TRIM63: variants seen among roughly 807,000 people sequenced by gnomAD.
The protein encoded by TRIM63 is tripartite motif containing 63, also known as E3 ubiquitin-protein ligase TRIM63.
In TRIM63, 48 loss-of-function variants were observed where a neutral mutation model predicts 46.0. The observed-to-expected ratio is 1.04, with a 90% CI of 0.83 to 1.33. TRIM63 has a LOEUF of 1.33. Ranked by LOEUF, TRIM63 falls within the 40% of genes most tolerant of loss-of-function variation. TRIM63 has a pLI of 0.00. For synonymous variants in TRIM63, 175 were observed against 162.8 expected (o/e 1.08, Z -0.57); for missense variants, 455 against 441.2 (o/e 1.03, Z -0.28).
chr1:26,056,903 C>T (rs2050575862), intron 7 of TRIM63, among the ~76,000 whole-genome samples: 1 of 152,090 alleles, frequency 6.6e-6, no homozygotes, highest in Non-Finnish European at 1.5e-5. Context: ...GCTGGAATTA[C>T]AGGCACATGC....
intron 4 of TRIM63, among the ~76,000 whole-genome samples, chr1:26,059,893 G>A (rs560717495): frequency 9.9e-5 from 15 of 152,162 alleles, no homozygotes; most frequent in Non-Finnish European, 1.6e-4. Context: ...TGATCCCAGC[G>A]TAATTTTCAC....
At chr1:26,054,995 C>T (rs1217054394) in intron 7 of TRIM63, among the ~76,000 whole-genome samples, 2 of 151,720 alleles carry the variant, frequency 1.3e-5, no homozygotes, top group East Asian at 3.9e-4. Flanking sequence ...AATAGTATCT[C>T]CAAAATGACA....
chr1:26,061,081 T>C, intron 3 of TRIM63, 85 bp downstream of exon 3: 1 of 1,450,734 alleles, frequency 6.9e-7, no homozygotes, highest in South Asian at 1.3e-5. Context: ...GATCAGCAGA[T>C]CTACAGGGAT....
At chr1:26,058,279 G>T in intron 5 of TRIM63, 111 bp downstream of exon 5, 4 of 908,626 alleles carry the variant, frequency 4.4e-6, no homozygotes, top group Non-Finnish European at 5.2e-6. Flanking sequence ...GCTCACAGAG[G>T]TTTAAATGGC....
chr1:26,066,283 T>A lies in TRIM63; in HGVS notation c.317A>T (p.Lys106Ile). 2 of 1,614,050 alleles carry A rather than the reference T, an allele frequency of 1.2e-6. No individual in the cohort carries two copies. Among genetic ancestry groups the A allele is most frequent in the Non-Finnish European group, 1.7e-6 (2 of 1,179,998 alleles). The change falls in exon 2 of 9, where the codon AAA (lysine) becomes ATA (isoleucine). Residue 106 changes from lysine to isoleucine, a missense_variant. Physicochemically the swap from Lys to Ile is moderately radical, Grantham distance 102 (BLOSUM62 -3). Coordinates refer to ENST00000374272, the MANE Select transcript of TRIM63 (RefSeq NM_032588.4). ...LLVENIIDIY[K>I]QECSSRPLQK... ...GAGAACCGACCTGGAGCACTCCTGT[T>A]TGTAGATGTCGATGATGTTCTCCAC...
rs141049472 is a variant in TRIM63 at position 26,058,568 on chromosome 1, G to A, written c.653C>T (p.Ala218Val). 183 of 1,614,162 alleles carry A rather than the reference G, an allele frequency of 1.1e-4. 2 individuals carry two copies. In the African/African-American group the frequency reaches 2.2e-3, roughly 19 times the overall value. ...ELSQKFDTLY[A>V]ILDEKKSELL... ...CTCACTTTTCTTCTCATCCAGGATG[G>A]CATACAACGTGTCAAACTTCTGGCT... Residue 218 changes from alanine to valine, a missense_variant, in exon 5 of 9, where the codon GCC becomes GTC. Coordinates refer to ENST00000374272, the MANE Select transcript of TRIM63 (RefSeq NM_032588.4).
intron 1 of TRIM63, 144 bp from the exon 2 acceptor site, chr1:26,066,584 C>A: frequency 2.9e-6 from 2 of 694,382 alleles, no homozygotes; most frequent in Middle Eastern, 2.9e-4. Flanking sequence ...GTGATGAGAA[C>A]CAGTCCTCAC....
chr1:26,052,699 T>C (rs1194562867), intron 8 of TRIM63, among the ~76,000 whole-genome samples: 1 of 152,034 alleles, frequency 6.6e-6, no homozygotes, highest in East Asian at 1.9e-4. Context: ...ACTCCTGACC[T>C]CAGGTGATCC....
At chr1:26,063,146 C>G (rs924893462) in intron 2 of TRIM63, among the ~76,000 whole-genome samples, 3 of 152,230 alleles carry the variant, frequency 2.0e-5, no homozygotes, top group Admixed American at 1.3e-4. Flanking sequence ...CACAGATACA[C>G]TGCAGCCTCG....
intron 2 of TRIM63, among the ~76,000 whole-genome samples, chr1:26,064,947 C>G (rs980413435): frequency 6.6e-6 from 1 of 152,144 alleles, no homozygotes; most frequent in African/African-American, 2.4e-5. Flanking sequence ...TGGAGTCTTA[C>G]CAGGATGTCC....
intron 2 of TRIM63, 46 bp from the exon 3 acceptor site, chr1:26,061,380 C>G: frequency 1.3e-6 from 2 of 1,593,838 alleles, no homozygotes; most frequent in Non-Finnish European, 1.7e-6. Flanking sequence ...TGTGTCCCTG[C>G]ATCCCCCTCC....
chr1:26,060,039 C>T (rs2050608289), intron 4 of TRIM63, among the ~76,000 whole-genome samples: 1 of 152,204 alleles, frequency 6.6e-6, no homozygotes. Flanking sequence ...GTCTGGTTCA[C>T]TCCTCCATCC....
At chr1:26,058,661 C>G in intron 4 of TRIM63, 38 bp from the exon 5 acceptor site, 1 of 1,558,506 alleles carries the variant, frequency 6.4e-7, no homozygotes, top group Non-Finnish European at 8.8e-7. Context: ...TCTGTAGGGT[C>G]TTTATTCCCT....
chr1:26,064,860 C>CCAG (rs2050662376), intron 2 of TRIM63, among the ~76,000 whole-genome samples: 1 of 152,180 alleles, frequency 6.6e-6, no homozygotes, highest in East Asian at 1.9e-4. Flanking sequence ...TGTCACCTTC[C>CCAG]CCTGGGCTGG....
chr1:26,067,237 G>C, intron 1 of TRIM63, 99 bp downstream of exon 1: 1 of 1,446,196 alleles, frequency 6.9e-7, no homozygotes, highest in East Asian at 2.4e-5. Context: ...CAAGGGGAAA[G>C]AGGCTGTCCA....
At position 26,057,280 on chromosome 1, in the gene TRIM63, C is replaced by T; in HGVS notation, c.902G>A (p.Gly301Asp). Residue 301 changes from glycine (G) to aspartate (D), a missense_variant, in exon 7 of 9, where the codon GGC (glycine) becomes GAC (aspartate). Transcript: ENST00000374272. ...KGCQLGKTEQ[G>D]FENMDFFTLD... is the part of the protein sequence containing the mutation. ...AGTAAAGAAGTCCATGTTCTCAAAG[C>T]CCTGCTCTGTCTTCCCCAGCTGGCA... 1 of 1,614,160 alleles carries T rather than the reference C, an allele frequency of 6.2e-7. No individual in the cohort carries two copies. Among genetic ancestry groups the T allele is most frequent in the Non-Finnish European group, 8.5e-7 (1 of 1,180,032 alleles).
intron 2 of TRIM63, among the ~76,000 whole-genome samples, chr1:26,061,803 T>G (rs1379102171): frequency 6.6e-6 from 1 of 152,234 alleles, no homozygotes. Flanking sequence ...TACTGCAGGC[T>G]GGGCTCTGAG....
At chr1:26,060,959 C>T (rs2050618629) in intron 3 of TRIM63, among the ~76,000 whole-genome samples, 1 of 152,190 alleles carries the variant, frequency 6.6e-6, no homozygotes, top group Admixed American at 6.5e-5. Context: ...CCCAGGTGCT[C>T]TCGAGTGGCT....
At position 26,060,344 on chromosome 1, in the gene TRIM63, A is replaced by G. The variant is rs199956613; in HGVS notation, c.519T>C (p.Cys173=). Residue 173 remains cysteine, a synonymous_variant, in exon 4 of 9, where the codon TGT becomes TGC. Transcript: ENST00000374272. ...CATTCCCCGCCACCAGCATGGAGAT[A>G]CAGTTATTCAGTTCAGTCTAGATGG... The part of the protein sequence containing the change: ...FQGQKTELNN[C]ISMLVAGNDR... The G allele has an allele frequency of 1.2e-6, 2 of 1,613,810 alleles. No individual in the cohort carries two copies. Among genetic ancestry groups the G allele is most frequent in the Non-Finnish European group, 8.5e-7 (1 of 1,179,938 alleles).
Sources: allele counts gnomAD v4.1 joint callset (sites outside exome capture counted in the v4.1 genomes callset), GRCh38; gene constraint gnomAD v4.1.1; transcripts MANE v1.5; gene names NCBI Gene and HGNC (gene_info 2026-07-23, HGNC 2026-07-21).